The following CPAMD8 variants were observed in gnomAD, a reference collection of about 807,000 sequenced individuals.
The protein encoded by CPAMD8 is C3 and PZP like alpha-2-macroglobulin domain containing 8, also known as C3 and PZP-like alpha-2-macroglobulin domain-containing protein 8.
Under a neutral mutation model 224.7 loss-of-function variants are expected in CPAMD8, and 146 were observed. That is an observed-to-expected ratio of 0.65 (90% confidence interval 0.57 to 0.75). CPAMD8 has a LOEUF of 0.75. Among genes scored for constraint, CPAMD8 ranks in the 30% least tolerant of loss-of-function variants. The pLI is 0.00. For synonymous variants in CPAMD8, 966 were observed against 1,044.6 expected, an observed-to-expected ratio of 0.92 and a Z score of 1.45; for missense variants, 2,301 against 2,537.5, an observed-to-expected ratio of 0.91 and a Z score of 2.00.
At chr19:16,974,365 C>A (rs1005921739) in intron 17 of CPAMD8, among the ~76,000 whole-genome samples, 4 of 151,838 alleles carry the variant, frequency 2.6e-5, no homozygotes, top group Admixed American at 2.6e-4. Context: ...GGCTGGGGCA[C>A]GAGGATCACC....
At position 16,901,234 on chromosome 19, in the gene CPAMD8, C is replaced by T; in HGVS notation, c.4749G>A (p.Arg1583=). ...VLEVPLLSGF[R]ADIESLEQLL... ...CCTGCTCCAGGCTCTCGATGTCTGC[C>T]CGGAAGCCTGACAGCAGGGGCACCT... Residue 1583 remains arginine, a synonymous_variant, in exon 36 of 42, where the codon CGG becomes CGA. Coordinates refer to ENST00000443236, the MANE Select transcript of CPAMD8 (RefSeq NM_015692.5). 6.2e-7 allele frequency: 1 copy of T among 1,612,192 alleles called. No homozygotes were observed. Among genetic ancestry groups the T allele is most frequent in the Non-Finnish European group, 8.5e-7 (1 of 1,179,364 alleles).
intron 16 of CPAMD8, 78 bp from the exon 17 acceptor site, chr19:16,975,336 G>T: frequency 8.7e-7 from 1 of 1,147,226 alleles, no homozygotes; most frequent in Non-Finnish European, 1.3e-6. Flanking sequence ...GGTGTGGCAT[G>T]CTCCCATCCC....
In CPAMD8 at chr19:16,929,239, C is replaced by T; in HGVS notation, c.2847G>A (p.Glu949=). Residue 949 remains glutamate (E), a splice_region_variant and synonymous_variant, in exon 24 of 42, where the codon GAG becomes GAA. Transcript: ENST00000443236. ...YTYSAFFCPS[E]RVHISTPNKY... is the part of the protein sequence containing the mutation. ...TGTTGGGGGTGGAGATGTGGACTCT[C>T]TCTGGATGGAGGAAAGGAGATGGGG... 1 of 1,596,976 alleles carries T rather than the reference C, an allele frequency of 6.3e-7. No individual in the cohort carries two copies. The highest frequency in any genetic ancestry group is 1.1e-5 in the South Asian group (1 of 90,194).
At chr19:16,990,038 G>A (rs553022721) in intron 12 of CPAMD8, among the ~76,000 whole-genome samples, 54 of 152,296 alleles carry the variant, frequency 3.5e-4, no homozygotes, top group African/African-American at 1.3e-3. Flanking sequence ...GATCACCTGA[G>A]GCCAGGAGTT....
chr19:16,976,919 G>A (rs1424391254), intron 15 of CPAMD8, among the ~76,000 whole-genome samples: 4 of 150,686 alleles, frequency 2.7e-5, no homozygotes, highest in East Asian at 3.9e-4. Context: ...GCACATGCCT[G>A]TAGTCTCAGC....
At chr19:17,023,560 C>CT (rs1204516646) in intron 1 of CPAMD8, among the ~76,000 whole-genome samples, 1 of 151,970 alleles carries the variant, frequency 6.6e-6, no homozygotes, top group Non-Finnish European at 1.5e-5. Flanking sequence ...TCAATATTTT[C>CT]TTTTTTTATT....
At position 16,899,060 on chromosome 19, in the gene CPAMD8, A is replaced by G. The variant is rs2144708220; in HGVS notation, c.4848+415T>C. Among the ~76,000 whole-genome samples the G allele has an allele frequency of 6.6e-6, 1 of 152,204 alleles. No individual in the cohort carries two copies. The highest frequency in any genetic ancestry group is 1.9e-4 in the East Asian group (1 of 5,174). Reference sequence around the variant, plus strand: ...CTCAGCCTCCCAAATAGCTGGGATTACAGTAGCGTGCCATCACACCTGGCT... The same window carrying G: ...CTCAGCCTCCCAAATAGCTGGGATTGCAGTAGCGTGCCATCACACCTGGCT... On this transcript the variant is annotated intron_variant, in intron 37 of 41. Coordinates refer to ENST00000443236, the MANE Select transcript of CPAMD8 (RefSeq NM_015692.5). This position sits in a 1 kb window ranked among gnomAD's most constrained non-coding sequence, Gnocchi z 5.4.
At chr19:16,908,741 C>T (rs1599674936) in intron 29 of CPAMD8, among the ~76,000 whole-genome samples, 1 of 152,232 alleles carries the variant, frequency 6.6e-6, no homozygotes, top group East Asian at 1.9e-4. Flanking sequence ...AACGTGGGAA[C>T]TGTCCCTAAG....
chr19:16,989,218 T>C (rs1477272616), intron 13 of CPAMD8, among the ~76,000 whole-genome samples: 2 of 152,146 alleles, frequency 1.3e-5, no homozygotes, highest in African/African-American at 4.8e-5. Flanking sequence ...CCCCCGTCTG[T>C]GGAAAAATTG....
intron 22 of CPAMD8, among the ~76,000 whole-genome samples, chr19:16,941,191 CCAAAGTGCTGGGATTACAG>C (rs2053877006): frequency 6.6e-6 from 1 of 152,160 alleles, no homozygotes; most frequent in African/African-American, 2.4e-5. Context: ...CCTTGGCCTC[CCAAAGTGCTGGGATTACAG>C]GCATGAGCCA....
chr19:16,908,829 C>T (rs1339296938), intron 29 of CPAMD8, among the ~76,000 whole-genome samples: 1 of 152,180 alleles, frequency 6.6e-6, no homozygotes, highest in African/African-American at 2.4e-5. Context: ...AGGACTGGCC[C>T]TCACAAGTCC....
intron 32 of CPAMD8, 127 bp downstream of exon 32, chr19:16,904,099 C>T: frequency 8.9e-7 from 1 of 1,122,142 alleles, no homozygotes; most frequent in Non-Finnish European, 1.3e-6. Flanking sequence ...CCAACCCCTG[C>T]CCTCTTTGGG....
At chr19:16,895,706 T>A in intron 41 of CPAMD8, 1 of 348,204 alleles carries the variant, frequency 2.9e-6, no homozygotes, top group Non-Finnish European at 5.7e-6. Flanking sequence ...CAAGTCTTTT[T>A]GAGCAGCGAC....
At chr19:16,905,157 C>T (rs2052420537) in intron 30 of CPAMD8, among the ~76,000 whole-genome samples, 1 of 152,062 alleles carries the variant, frequency 6.6e-6, no homozygotes, top group Non-Finnish European at 1.5e-5. Flanking sequence ...AGGAGAATTG[C>T]TTGAACCCAG....
chr19:17,008,493 G>C lies in CPAMD8; in HGVS notation c.559+12C>G. On this transcript the variant is annotated intron_variant, in intron 7 of 41. Transcript: ENST00000443236. ...CATCTGCAGCCCCCAAGCCGCAGAG[G>C]AAGAAACTTACCGCAGCAGAACGGC... 1.2e-6 allele frequency: 2 copies of C among 1,612,476 alleles called. No homozygotes were observed. Among genetic ancestry groups the C allele is most frequent in the Non-Finnish European group, 1.7e-6 (2 of 1,179,986 alleles).
At position 16,989,765 on chromosome 19, in the gene CPAMD8, C is replaced by T; in HGVS notation, c.1273G>A (p.Val425Met). 4 of 1,613,970 alleles carry T rather than the reference C, an allele frequency of 2.5e-6. No individual in the cohort carries two copies. Among genetic ancestry groups the T allele is most frequent in the South Asian group, 1.1e-5 (1 of 91,072 alleles). ...ACAGGCTTCCCGTTCAGTGCCATCA[C>T]CTTGGTCTGAGAAGAGAAGATGCTT... ...SAQHVWLETK[V>M]MALNGKPVGA... Residue 425 changes from valine (V) to methionine (M), a missense_variant, in exon 13 of 42, where the codon GTG becomes ATG. By Grantham distance (21) the Val-to-Met change is conservative. Transcript: ENST00000443236.
chr19:16,894,860 T>C, intron 41 of CPAMD8: 1 of 234,510 alleles, frequency 4.3e-6, no homozygotes, highest in Non-Finnish European at 8.7e-6. Flanking sequence ...TGCACAATGA[T>C]CATGTCTATG....
intron 27 of CPAMD8, among the ~76,000 whole-genome samples, chr19:16,920,577 C>T (rs3859574): frequency 0.45 from 68,638 of 151,664 alleles, 16,661 homozygotes; most frequent in East Asian, 0.57. Flanking sequence ...GTGTCTAGGC[C>T]GGGCACGGTG....
Position 16,897,703 on chromosome 19 carries a change from C to T in CPAMD8, c.5053G>A (p.Ala1685Thr). Residue 1685 changes from alanine to threonine, a missense_variant, in exon 39 of 42, where the codon GCC becomes ACC. Around this residue, in one of 4 missense-constraint regions of CPAMD8, gnomAD observed 1,709 missense variants for 1,753.2 expected, o/e 0.97. Transcript: ENST00000443236. ...TCCGCGCACTCACCCGGGCCCCGGG[C>T]AGGGGCGCGCTCCACTTCGTTGCAC... ...PACNEVERAP[A>T]RGPGWFPGES... 1.3e-6 allele frequency: 2 copies of T among 1,538,724 alleles called. No homozygotes were observed. Among genetic ancestry groups the T allele is most frequent in the African/African-American group, 1.4e-5 (1 of 72,128 alleles).
Sources: gnomAD v4.1 joint callset for allele counts (sites outside exome capture counted in the v4.1 genomes callset) on GRCh38, gnomAD v4.1.1 for gene constraint, gnomAD v4.1.1 regional missense constraint, Gnocchi (gnomAD v3.1) non-coding constraint, MANE v1.5 for transcripts, NCBI Gene and HGNC (gene_info 2026-07-23, HGNC 2026-07-21) for gene names.